Variants in CNTN4 observed in about 807,000 individuals in gnomAD.
CNTN4 encodes contactin-4.
Under a neutral mutation model 122.5 loss-of-function variants are expected in CNTN4, and 77 were observed. The ratio of observed to expected loss-of-function variants is 0.63; its 90% CI spans 0.52 to 0.76. The LOEUF (loss-of-function observed/expected upper bound fraction) is 0.76, where lower values mean the gene tolerates loss of function less well. Ranked by LOEUF, CNTN4 falls within the 30% of genes least tolerant of loss-of-function variation. The pLI is 0.00. For synonymous variants in CNTN4, 512 were observed against 447.0 expected, an observed-to-expected ratio of 1.15 and a Z score of -1.83; for missense variants, 1,256 against 1,259.1, an observed-to-expected ratio of 1.00 and a Z score of 0.04.
At chr3:2,183,099 G>A (rs1289982938) in intron 2 of CNTN4, among the ~76,000 whole-genome samples, 1 of 151,968 alleles carries the variant, frequency 6.6e-6, no homozygotes, top group Non-Finnish European at 1.5e-5. Flanking sequence ...GAAATCCTTG[G>A]ATCTATTTTC....
intron 4 of CNTN4, among the ~76,000 whole-genome samples, chr3:2,623,815 G>A (rs2082080149): frequency 6.6e-6 from 1 of 152,156 alleles, no homozygotes; most frequent in South Asian, 2.1e-4. Context: ...ATCCAGATCA[G>A]TCAAAAGGAA....
In CNTN4 at chr3:2,670,500, A is replaced by G. The variant is rs139548613; in HGVS notation, c.56-65715A>G. On this transcript the variant is annotated intron_variant, in intron 4 of 24. Coordinates refer to ENST00000418658, the MANE Select transcript of CNTN4 (RefSeq NM_175607.3). ...GCCTATGTGTGTCTCTGCACGTGGGATGGGTTTCCTAAATATAGCACACTG... is the reference window on the plus strand; with the variant it reads ...GCCTATGTGTGTCTCTGCACGTGGGGTGGGTTTCCTAAATATAGCACACTG... Among the ~76,000 whole-genome samples, 3 of 151,960 alleles carry G rather than the reference A, an allele frequency of 2.0e-5. No homozygotes were observed. In the East Asian group the frequency reaches 5.8e-4, roughly 29 times the overall value.
intron 3 of CNTN4, among the ~76,000 whole-genome samples, chr3:2,470,405 T>C (rs933352259): frequency 6.6e-6 from 1 of 152,158 alleles, no homozygotes; most frequent in African/African-American, 2.4e-5. Flanking sequence ...ACAGGGTTAT[T>C]GGATAGTTTT....
intron 4 of CNTN4, among the ~76,000 whole-genome samples, chr3:2,636,901 T>G (rs2082678988): frequency 6.6e-6 from 1 of 151,208 alleles, no homozygotes; most frequent in Non-Finnish European, 1.5e-5. Context: ...TTCCATTTTC[T>G]TTTCCTCTTT....
chr3:2,869,040 A>G (rs2093755761), intron 8 of CNTN4, among the ~76,000 whole-genome samples: 1 of 152,182 alleles, frequency 6.6e-6, no homozygotes, highest in African/African-American at 2.4e-5. Flanking sequence ...AGAAAACACG[A>G]AGAACAGTTG....
At chr3:2,224,542 A>G (rs1045013733) in intron 2 of CNTN4, among the ~76,000 whole-genome samples, 1 of 152,146 alleles carries the variant, frequency 6.6e-6, no homozygotes, top group African/African-American at 2.4e-5. Flanking sequence ...CACAGTTGTC[A>G]TATATTTTTG....
rs796432580 is a variant in CNTN4 at position 2,743,267 on chromosome 3, CA to C, written c.183-2245del. On this transcript the variant is annotated intron_variant, in intron 5 of 24. Coordinates refer to ENST00000418658, the MANE Select transcript of CNTN4 (RefSeq NM_175607.3). Reference sequence around the variant, plus strand: ...ATGGTCAAGACGTGATCAGCTGACTCAAAAAAAAAATGTCTAGGGCAGACAG... The same window carrying C: ...ATGGTCAAGACGTGATCAGCTGACTCAAAAAAAAATGTCTAGGGCAGACAG... Among the ~76,000 whole-genome samples the C allele has an allele frequency of 1.8e-3, 270 of 148,224 alleles. 1 individual carries two copies. Among genetic ancestry groups the C allele is most frequent in the African/African-American group, 6.0e-3 (243 of 40,650 alleles).
chr3:2,223,695 A>T (rs111564992), intron 2 of CNTN4, among the ~76,000 whole-genome samples: 2 of 152,316 alleles, frequency 1.3e-5, no homozygotes, highest in South Asian at 4.1e-4. Flanking sequence ...GTGGATCACC[A>T]TGCCTAGACT....
intron 4 of CNTN4, among the ~76,000 whole-genome samples, chr3:2,579,261 C>T (rs935296526): frequency 1.3e-5 from 2 of 152,118 alleles, no homozygotes; most frequent in African/African-American, 4.8e-5. Flanking sequence ...TTTAGGAAGA[C>T]AGGAAAAAAC....
intron 3 of CNTN4, among the ~76,000 whole-genome samples, chr3:2,386,450 C>A (rs1287841622): frequency 6.6e-6 from 1 of 152,168 alleles, no homozygotes; most frequent in Non-Finnish European, 1.5e-5. Context: ...TAGCAAAATC[C>A]TAGAATGCCA....
chr3:2,313,640 A>C (rs2042991758), intron 2 of CNTN4, among the ~76,000 whole-genome samples: 1 of 152,040 alleles, frequency 6.6e-6, no homozygotes, highest in Non-Finnish European at 1.5e-5. Context: ...GCCATTAGCC[A>C]TGCTCATACA....
At chr3:2,322,458 A>T (rs1425437817) in intron 2 of CNTN4, among the ~76,000 whole-genome samples, 3 of 152,180 alleles carry the variant, frequency 2.0e-5, no homozygotes, top group Non-Finnish European at 2.9e-5. Context: ...GAATAACTAT[A>T]TCAAATATCA....
chr3:2,106,600 A>T lies in CNTN4; in HGVS notation c.-145+5961A>T, dbSNP rs542433514. Among the ~76,000 whole-genome samples the T allele has an allele frequency of 9.8e-5, 15 of 152,306 alleles. No individual in the cohort carries two copies. The South Asian group carries it at 2.5e-3, about 25-fold the overall frequency. ...GCAGGGCACCAAGTCCCTAGGCTGT[A>T]CACAGCAGGGAGCCCAGTGCCTTGT... On this transcript the variant is annotated intron_variant, in intron 2 of 24. Coordinates refer to ENST00000418658, the MANE Select transcript of CNTN4 (RefSeq NM_175607.3).
Position 2,160,664 on chromosome 3 carries a change from C to G in CNTN4, c.-145+60025C>G, listed in dbSNP as rs1014512151. 3.9e-5 allele frequency among the ~76,000 whole-genome samples: 6 copies of G among 152,156 alleles called. 1 individual carries two copies. Among genetic ancestry groups the G allele is most frequent in the African/African-American group, 1.4e-4 (6 of 41,422 alleles). On this transcript the variant is annotated intron_variant, in intron 2 of 24. Coordinates refer to ENST00000418658, the MANE Select transcript of CNTN4 (RefSeq NM_175607.3). ...TGTCTATGTTTGTGTCATCACACAG[C>G]TCTAGCAATGTTTCCAAACCAAAGA...
At chr3:2,733,877 C>T (rs996963110) in intron 4 of CNTN4, among the ~76,000 whole-genome samples, 2 of 151,982 alleles carry the variant, frequency 1.3e-5, no homozygotes, top group African/African-American at 4.8e-5. Context: ...TGTGTGCTTT[C>T]ATAAATCTTC....
chr3:3,019,267 A>T (rs1486283999), intron 14 of CNTN4, among the ~76,000 whole-genome samples: 3 of 151,634 alleles, frequency 2.0e-5, no homozygotes, highest in Non-Finnish European at 4.4e-5. Flanking sequence ...ATCTTTGAAT[A>T]CCTCCCCACA....
At position 2,877,671 on chromosome 3, in the gene CNTN4, G is replaced by A. The variant is rs142295268; in HGVS notation, c.653-5474G>A. On this transcript the variant is annotated intron_variant, in intron 8 of 24. Transcript: ENST00000418658. ...ATCTTCCCACCTTTTTTAATAGTTC[G>A]AAGATGAAAAGGGGGTTCTGGAGCA... 9.6e-3 allele frequency among the ~76,000 whole-genome samples: 1,463 copies of A among 152,150 alleles called. 88 individuals are homozygous for A. The highest frequency in any genetic ancestry group is 0.085 in the Admixed American group (1,299 of 15,276).
chr3:3,003,470 C>A (rs11926627), intron 14 of CNTN4, among the ~76,000 whole-genome samples: 1 of 151,766 alleles, frequency 6.6e-6, no homozygotes, highest in Non-Finnish European at 1.5e-5. Flanking sequence ...AAATATGATG[C>A]TAAGTGAAAG....
intron 14 of CNTN4, among the ~76,000 whole-genome samples, chr3:2,999,828 G>A (rs1413744736): frequency 6.6e-6 from 1 of 152,094 alleles, no homozygotes; most frequent in Non-Finnish European, 1.5e-5. Flanking sequence ...CCATAGAAGG[G>A]ATTTATGTCA....
Sources: allele counts gnomAD v4.1 joint callset (sites outside exome capture counted in the v4.1 genomes callset), GRCh38; gene constraint gnomAD v4.1.1; transcripts MANE v1.5; gene names NCBI Gene and HGNC (gene_info 2026-07-23, HGNC 2026-07-21).